The following YTHDC2 variants were observed in gnomAD, a reference collection of about 807,000 sequenced individuals.
YTHDC2 encodes 3'-5' RNA helicase YTHDC2.
In YTHDC2, 45 loss-of-function variants were observed where a neutral mutation model predicts 174.9. The ratio of observed to expected loss-of-function variants is 0.26; its 90% CI spans 0.20 to 0.33. YTHDC2 has a LOEUF of 0.33. Among genes scored for constraint, YTHDC2 ranks in the 10% least tolerant of loss-of-function variants. YTHDC2 has a pLI of 1.00. For synonymous variants in YTHDC2, 657 were observed against 574.5 expected (o/e 1.14, Z -2.05); for missense variants, 1,650 against 1,723.7 (o/e 0.96, Z 0.76).
intron 7 of YTHDC2, 142 bp from the exon 8 acceptor site, chr5:113,538,932 A>T: frequency 2.2e-6 from 1 of 457,006 alleles, no homozygotes; most frequent in Non-Finnish European, 3.9e-6. Context: ...TTATAGTTAA[A>T]GGACAATATT....
intron 10 of YTHDC2, among the ~76,000 whole-genome samples, chr5:113,543,675 ATCAAAG>A (rs1458597978): frequency 6.6e-6 from 1 of 152,232 alleles, no homozygotes; most frequent in Non-Finnish European, 1.5e-5. Context: ...GTGGATAAAA[ATCAAAG>A]TCCTTTCCAT....
At chr5:113,530,244 T>A (rs1184603120) in intron 4 of YTHDC2, among the ~76,000 whole-genome samples, 1 of 152,212 alleles carries the variant, frequency 6.6e-6, no homozygotes, top group Non-Finnish European at 1.5e-5. Context: ...TTTAAAAATC[T>A]GTCCTTCCCC....
At chr5:113,583,842 G>A (rs4705557) in intron 25 of YTHDC2, 47,022 of 152,476 alleles carry the variant, frequency 0.31, 9,367 homozygotes, top group African/African-American at 0.55. Flanking sequence ...ATTTGATCCA[G>A]TGTTTTAACA....
chr5:113,565,003 A>T (rs1351549883), intron 20 of YTHDC2, among the ~76,000 whole-genome samples: 1 of 151,878 alleles, frequency 6.6e-6, no homozygotes, highest in African/African-American at 2.4e-5. Flanking sequence ...TAGTAGAGAC[A>T]GGGTTTCACC....
At position 113,591,384 on chromosome 5, in the gene YTHDC2, C is replaced by T. The variant is rs187416395; in HGVS notation, c.4029+140C>T. 2.5e-4 allele frequency: 206 copies of T among 824,226 alleles called. No individual in the cohort carries two copies. The East Asian group carries it at 5.1e-3, about 20-fold the overall frequency. 51.1% of individuals were successfully genotyped at this position (824,226 alleles called of 1,614,324 possible). On this transcript the variant is annotated intron_variant, in intron 27 of 29. Transcript: ENST00000161863. The stretch of plus-strand genomic sequence containing the variant: ...TTGACTGAGAATAAGGGATATATTG[C>T]ATCTCTTTAGAGGATGATAGAACTG...
intron 27 of YTHDC2, 44 bp from the exon 28 acceptor site, chr5:113,591,952 A>G: frequency 7.3e-7 from 1 of 1,378,488 alleles, no homozygotes; most frequent in Non-Finnish European, 9.6e-7. Context: ...TAGACATGCT[A>G]ATCTCCTCCT....
At position 113,516,725 on chromosome 5, in the gene YTHDC2, G is replaced by A. The variant is rs200202598; in HGVS notation, c.278+1363G>A. 6.0e-4 allele frequency among the ~76,000 whole-genome samples: 44 copies of A among 73,500 alleles called. 1 individual carries two copies. The East Asian group carries it at 0.013, about 22-fold the overall frequency. The allele number at this position is 73,500 out of a possible 152,430, so 48.2% of individuals were successfully genotyped here. A position where few individuals can be genotyped will look rare whatever the true frequency, so the allele number is the denominator to read the frequency against. On this transcript the variant is annotated intron_variant, in intron 2 of 29. Transcript: ENST00000161863. The stretch of plus-strand genomic sequence containing the variant: ...AAAAGGATAAAATTTCAGCTTACCG[G>A]TATGTTTTTAGGTTAGGAAGAGGGA...
intron 2 of YTHDC2, among the ~76,000 whole-genome samples, chr5:113,516,043 CAG>C (rs1561614384): frequency 1.3e-5 from 2 of 152,088 alleles, no homozygotes; most frequent in Non-Finnish European, 2.9e-5. Flanking sequence ...ATCCTTATGG[CAG>C]AGTGACATAT....
intron 26 of YTHDC2, among the ~76,000 whole-genome samples, chr5:113,586,951 A>T (rs367875414): frequency 9.2e-5 from 7 of 75,914 alleles, no homozygotes; most frequent in African/African-American, 3.1e-4. Context: ...ATTCATATAT[A>T]ATATATAAAT....
Position 113,558,361 on chromosome 5 carries a change from G to C in YTHDC2, c.2216+2227G>C, listed in dbSNP as rs1362990715. Among the ~76,000 whole-genome samples, 3 of 152,300 alleles carry C rather than the reference G, an allele frequency of 2.0e-5. No homozygotes were observed. The East Asian group carries it at 5.8e-4, about 29-fold the overall frequency. ...TGATGGTAGGAGGACCCAGTAGGAG[G>C]CTTCTTCATTAATACTTTCCTATAA... On this transcript the variant is annotated intron_variant, in intron 17 of 29. Transcript: ENST00000161863.
At chr5:113,587,558 A>C (rs1276256715) in intron 26 of YTHDC2, among the ~76,000 whole-genome samples, 1 of 143,050 alleles carries the variant, frequency 7.0e-6, no homozygotes, top group Non-Finnish European at 1.5e-5. Context: ...TTGTACATAC[A>C]TAATATATAG....
chr5:113,528,544 A>G (rs1442220328), intron 4 of YTHDC2, among the ~76,000 whole-genome samples: 1 of 151,384 alleles, frequency 6.6e-6, no homozygotes, highest in South Asian at 2.1e-4. Context: ...TTCTTTTGCG[A>G]CAGCGCTTCA....
intron 7 of YTHDC2, among the ~76,000 whole-genome samples, chr5:113,538,802 C>A (rs563380790): frequency 9.2e-5 from 14 of 152,094 alleles, no homozygotes; most frequent in Non-Finnish European, 1.8e-4. Flanking sequence ...TTTCCTCTTA[C>A]AATTTCTACT....
intron 2 of YTHDC2, 150 bp downstream of exon 2, chr5:113,515,512 C>A: frequency 1.5e-6 from 1 of 662,322 alleles, no homozygotes; most frequent in Non-Finnish European, 2.5e-6. Context: ...AGGTCTGTAC[C>A]AAATTCAACT....
chr5:113,540,682 C>T (rs1416000801), intron 8 of YTHDC2, among the ~76,000 whole-genome samples: 1 of 152,100 alleles, frequency 6.6e-6, no homozygotes, highest in African/African-American at 2.4e-5. Context: ...CAATCACCTC[C>T]CACCAGGTCT....
intron 4 of YTHDC2, among the ~76,000 whole-genome samples, chr5:113,529,153 C>T (rs994070020): frequency 2.6e-5 from 4 of 152,044 alleles, no homozygotes; most frequent in Non-Finnish European, 5.9e-5. Flanking sequence ...TGAAAAATGA[C>T]ACTTTACTGT....
Position 113,563,931 on chromosome 5 carries a change from C to T in YTHDC2, c.2515C>T (p.Pro839Ser), listed in dbSNP as rs762912197. 1.1e-5 allele frequency: 18 copies of T among 1,614,026 alleles called. No individual in the cohort carries two copies. The highest frequency in any genetic ancestry group is 1.5e-5 in the Non-Finnish European group (18 of 1,180,024). ...GYHLADLPVE[P>S]HLGKMVLCAV... Reference sequence around the variant, plus strand: ...TCATTTGGCTGACTTGCCAGTAGAACCACATCTTGGTAAAATGGTCTTGTG... The same window carrying T: ...TCATTTGGCTGACTTGCCAGTAGAATCACATCTTGGTAAAATGGTCTTGTG... Residue 839 changes from proline to serine, a missense_variant, in exon 20 of 30, where the codon CCA (proline) becomes TCA (serine). Transcript: ENST00000161863.
intron 3 of YTHDC2, among the ~76,000 whole-genome samples, chr5:113,525,713 AGTAG>A (rs1487864660): frequency 2.0e-5 from 3 of 152,116 alleles, no homozygotes; most frequent in African/African-American, 2.4e-5. Context: ...GTTGCTCAAA[AGTAG>A]GTAGATAATG....
At chr5:113,514,417 A>G (rs1256696620) in intron 1 of YTHDC2, 1 of 521,254 alleles carries the variant, frequency 1.9e-6, no homozygotes, top group Non-Finnish European at 3.6e-6. Flanking sequence ...AGGGGGTGTC[A>G]CCTAATTGTG....
Sources: gnomAD v4.1 joint callset for allele counts (sites outside exome capture counted in the v4.1 genomes callset) on GRCh38, gnomAD v4.1.1 for gene constraint, MANE v1.5 for transcripts, NCBI Gene and HGNC (gene_info 2026-07-23, HGNC 2026-07-21) for gene names.